The following TBC1D5 variants were observed in gnomAD, a reference collection of about 807,000 sequenced individuals.
The protein encoded by TBC1D5 is TBC1 domain family member 5.
In TBC1D5, 75 loss-of-function variants were observed where a neutral mutation model predicts 100.3. That is an observed-to-expected ratio of 0.75 (90% CI 0.62 to 0.91). The LOEUF is 0.91. Among genes scored for constraint, TBC1D5 ranks in the 40% least tolerant of loss-of-function variants. The pLI, the probability that TBC1D5 is intolerant of heterozygous loss-of-function variation, is 0.00. For synonymous variants in TBC1D5, 323 were observed against 325.6 expected, an observed-to-expected ratio of 0.99 and a Z score of 0.09; for missense variants, 910 against 942.4, an observed-to-expected ratio of 0.97 and a Z score of 0.45.
intron 1 of TBC1D5, among the ~76,000 whole-genome samples, chr3:17,654,128 A>G (rs2065836988): frequency 6.6e-6 from 1 of 152,180 alleles, no homozygotes; most frequent in South Asian, 2.1e-4. Flanking sequence ...AAACAAGCAA[A>G]GTCAAAGGGA....
rs940320759 is a variant in TBC1D5 at position 17,723,180 on chromosome 3, T to C, written c.-101+16163A>G. On this transcript the variant is annotated intron_variant, in intron 1 of 21. Transcript: ENST00000253692. ...TTCTAAAGTAACTAAAAGTGTAATT[T>C]GATTGTTTGTAATACAAAGAATAAA... Among the ~76,000 whole-genome samples the C allele has an allele frequency of 3.0e-4, 46 of 152,268 alleles. No homozygotes were observed. The East Asian group carries it at 7.9e-3, about 26-fold the overall frequency.
At chr3:17,629,648 A>T (rs566191035) in intron 1 of TBC1D5, among the ~76,000 whole-genome samples, 17 of 152,198 alleles carry the variant, frequency 1.1e-4, no homozygotes, top group Non-Finnish European at 2.2e-4. Context: ...AAAGAAGTAA[A>T]ACAGTGATGT....
At chr3:17,588,949 G>A (rs901308017) in intron 2 of TBC1D5, among the ~76,000 whole-genome samples, 9 of 152,018 alleles carry the variant, frequency 5.9e-5, no homozygotes, top group Admixed American at 4.6e-4. Context: ...TAACAAGGTT[G>A]GTAAAATTTT....
At chr3:17,375,409 A>T (rs541063252) in intron 10 of TBC1D5, among the ~76,000 whole-genome samples, 28 of 152,192 alleles carry the variant, frequency 1.8e-4, no homozygotes, top group Non-Finnish European at 3.7e-4. Context: ...TCTACTAAAA[A>T]TACAAAAATT....
chr3:17,267,573 A>G (rs2078979351), intron 15 of TBC1D5, among the ~76,000 whole-genome samples: 1 of 152,280 alleles, frequency 6.6e-6, no homozygotes, highest in South Asian at 2.1e-4. Context: ...ATCATTGCAA[A>G]TTTTTATTTT....
intron 16 of TBC1D5, among the ~76,000 whole-genome samples, chr3:17,239,453 A>G (rs2076137139): frequency 6.6e-6 from 1 of 152,086 alleles, no homozygotes; most frequent in Admixed American, 6.6e-5. Context: ...TGTTCCTTTC[A>G]AGTTACCATC....
chr3:17,187,945 G>A (rs892212520), intron 18 of TBC1D5, among the ~76,000 whole-genome samples: 2 of 152,196 alleles, frequency 1.3e-5, no homozygotes, highest in African/African-American at 2.4e-5. Flanking sequence ...TACAAAAGCC[G>A]TTGGGAGCTT....
At chr3:17,272,008 C>A (rs1047468250) in intron 15 of TBC1D5, among the ~76,000 whole-genome samples, 1 of 152,092 alleles carries the variant, frequency 6.6e-6, no homozygotes, top group Non-Finnish European at 1.5e-5. Context: ...ACACAGGGAA[C>A]CTCATCAGAA....
At position 17,574,089 on chromosome 3, in the gene TBC1D5, T is replaced by C. The variant is rs568722068; in HGVS notation, c.-36+49760A>G. Among the ~76,000 whole-genome samples, 22 of 152,176 alleles carry C rather than the reference T, an allele frequency of 1.4e-4. No homozygotes were observed. In the South Asian group the frequency reaches 4.1e-3, roughly 29 times the overall value. On this transcript the variant is annotated intron_variant, in intron 2 of 21. Transcript: ENST00000253692. ...TTCTGCTTGGTCGCTCTCACCTCTG[T>C]CTTTAATGCAGAATGAAAGGCCTCT... is the stretch of plus-strand genomic sequence containing the variant.
At chr3:17,653,027 C>T (rs1157806261) in intron 1 of TBC1D5, among the ~76,000 whole-genome samples, 1 of 152,112 alleles carries the variant, frequency 6.6e-6, no homozygotes, top group Non-Finnish European at 1.5e-5. Context: ...AAAAACACTG[C>T]TAAGTGAACG....
At chr3:17,432,200 T>C (rs953884704) in intron 3 of TBC1D5, among the ~76,000 whole-genome samples, 12 of 152,104 alleles carry the variant, frequency 7.9e-5, no homozygotes, top group Non-Finnish European at 1.6e-4. Flanking sequence ...GTGGGGTATT[T>C]AATAGTAAGA....
At chr3:17,253,949 A>G (rs1004280766) in intron 16 of TBC1D5, among the ~76,000 whole-genome samples, 10 of 152,222 alleles carry the variant, frequency 6.6e-5, no homozygotes, top group Middle Eastern at 3.2e-3. Context: ...GCAGGTTCCT[A>G]TATGAGAGAG....
intron 16 of TBC1D5, among the ~76,000 whole-genome samples, chr3:17,252,957 T>C (rs2077299457): frequency 6.6e-6 from 1 of 152,164 alleles, no homozygotes; most frequent in South Asian, 2.1e-4. Context: ...CTAAACATCC[T>C]TGATATCAGG....
chr3:17,678,505 G>A (rs1304754246), intron 1 of TBC1D5, among the ~76,000 whole-genome samples: 1 of 152,028 alleles, frequency 6.6e-6, no homozygotes, highest in African/African-American at 2.4e-5. Flanking sequence ...GAAAACAGAT[G>A]AATAACTTAT....
intron 3 of TBC1D5, among the ~76,000 whole-genome samples, chr3:17,458,294 T>A (rs1156870093): frequency 6.6e-6 from 1 of 152,182 alleles, no homozygotes; most frequent in Non-Finnish European, 1.5e-5. Context: ...AAAGATTTCA[T>A]CAGTACTTAA....
intron 15 of TBC1D5, among the ~76,000 whole-genome samples, chr3:17,262,520 C>T (rs1233407483): frequency 3.5e-5 from 5 of 142,448 alleles, no homozygotes; most frequent in Admixed American, 1.5e-4. Context: ...CTTGCTCTGT[C>T]GCCCAGGTTG....
chr3:17,674,034 T>G (rs2068304226), intron 1 of TBC1D5, among the ~76,000 whole-genome samples: 1 of 152,192 alleles, frequency 6.6e-6, no homozygotes, highest in Admixed American at 6.5e-5. Flanking sequence ...TGGGGGAACC[T>G]GTCACTTCAT....
At position 17,664,216 on chromosome 3, in the gene TBC1D5, C is replaced by T. The variant is rs57642715; in HGVS notation, c.-100-40303G>A. ...TCCTCAGTAGCTGGGATTACAGGCA[C>T]ACACCACCAGGCCCAGCTAATCTTT... On this transcript the variant is annotated intron_variant, in intron 1 of 21. Transcript: ENST00000253692. Among the ~76,000 whole-genome samples, 686 of 152,176 alleles carry T rather than the reference C, an allele frequency of 4.5e-3. 4 individuals carry two copies. Among genetic ancestry groups the T allele is most frequent in the African/African-American group, 0.016 (667 of 41,516 alleles).
intron 3 of TBC1D5, among the ~76,000 whole-genome samples, chr3:17,431,853 A>C (rs1334021458): frequency 6.6e-6 from 1 of 152,090 alleles, no homozygotes; most frequent in Non-Finnish European, 1.5e-5. Flanking sequence ...GCTTTAACTG[A>C]AGTCATGTTT....
Sources: gnomAD v4.1 joint callset for allele counts (sites outside exome capture counted in the v4.1 genomes callset) on GRCh38, gnomAD v4.1.1 for gene constraint, MANE v1.5 for transcripts, NCBI Gene and HGNC (gene_info 2026-07-23, HGNC 2026-07-21) for gene names.